The following SUSD5 variants were observed in gnomAD, a reference collection of about 807,000 sequenced individuals.
The protein encoded by SUSD5 is sushi domain containing 5, also known as sushi domain-containing protein 5.
A neutral mutation model predicts 29.5 loss-of-function variants in SUSD5; 33 were observed. The observed-to-expected ratio is 1.12, with a 90% CI of 0.85 to 1.49. SUSD5 has a LOEUF of 1.49. Among genes scored for constraint, SUSD5 ranks in the 40% most tolerant of loss-of-function variants. The probability of loss-of-function intolerance (pLI) is 0.00; values close to 1 mark genes in which losing one functional copy is unlikely to be tolerated. For synonymous variants in SUSD5, 308 were observed against 325.3 expected (o/e 0.95, Z 0.57); for missense variants, 776 against 800.6 (o/e 0.97, Z 0.37).
intron 2 of SUSD5, among the ~76,000 whole-genome samples, chr3:33,210,357 C>G (rs1258358893): frequency 6.6e-6 from 1 of 152,162 alleles, no homozygotes; most frequent in African/African-American, 2.4e-5. Flanking sequence ...CAACCCAAAG[C>G]AAAACGGCTC....
chr3:33,208,935 C>T (rs2032271895), intron 2 of SUSD5, among the ~76,000 whole-genome samples: 1 of 152,090 alleles, frequency 6.6e-6, no homozygotes, highest in South Asian at 2.1e-4. Flanking sequence ...TTTGCCTCTC[C>T]AGTCTTCTTC....
At chr3:33,187,769 C>T (rs145578333) in intron 3 of SUSD5, among the ~76,000 whole-genome samples, 6 of 151,524 alleles carry the variant, frequency 4.0e-5, no homozygotes, top group African/African-American at 9.7e-5. Flanking sequence ...CGTCATTTAA[C>T]GTTAGGTATA....
rs2030850957 is a variant in SUSD5, at chr3:33,150,651, C to T, written c.*2091G>A. On this transcript the variant is annotated 3_prime_UTR_variant, in exon 5 of 5. Transcript: ENST00000309558. ...GCACAGGTATTCTAGTTGGTACCTT[C>T]AGGCTTTATTTTACCCAACTATGGG... 6.6e-6 allele frequency: 1 copy of T among 152,200 alleles called. No homozygotes were observed. Among genetic ancestry groups the T allele is most frequent in the Non-Finnish European group, 1.5e-5 (1 of 68,036 alleles). 9.4% of individuals were successfully genotyped at this position (152,200 alleles called of 1,614,324 possible).
intron 4 of SUSD5, among the ~76,000 whole-genome samples, chr3:33,159,118 C>T (rs1559444177): frequency 6.6e-6 from 1 of 152,142 alleles, no homozygotes; most frequent in Non-Finnish European, 1.5e-5. Flanking sequence ...TGAAAGGGAA[C>T]AACATTTGCA....
chr3:33,163,342 GC>G (rs1305363363), intron 4 of SUSD5, among the ~76,000 whole-genome samples: 1 of 151,824 alleles, frequency 6.6e-6, no homozygotes, highest in Non-Finnish European at 1.5e-5. Flanking sequence ...GCTGGGTTAA[GC>G]TTTAATATAT....
At chr3:33,179,648 C>T (rs544859384) in intron 3 of SUSD5, among the ~76,000 whole-genome samples, 6 of 152,280 alleles carry the variant, frequency 3.9e-5, no homozygotes, top group East Asian at 3.9e-4. Flanking sequence ...CCAAGTTTTA[C>T]GGCTTGCTTT....
At chr3:33,213,205 G>C (rs1202969989) in intron 2 of SUSD5, among the ~76,000 whole-genome samples, 1 of 151,976 alleles carries the variant, frequency 6.6e-6, no homozygotes, top group Admixed American at 6.6e-5. Context: ...GTCAGAGTTC[G>C]AGACCAGCCT....
chr3:33,212,856 T>A (rs969950856), intron 2 of SUSD5, among the ~76,000 whole-genome samples: 1 of 152,148 alleles, frequency 6.6e-6, no homozygotes, highest in Non-Finnish European at 1.5e-5. Context: ...CTGTATTCTA[T>A]CAGTAGAGGC....
At position 33,187,654 on chromosome 3, in the gene SUSD5, C is replaced by CTT. The variant is rs56965213; in HGVS notation, c.410-12582_410-12581dup. ...AACATTTGGTAAGTGTACTAACAGT[C>CTT]TTTTTTTTTTTTTTATACTTTAAGT... is the stretch of plus-strand genomic sequence containing the variant. On this transcript the variant is annotated intron_variant, in intron 3 of 4. Coordinates refer to ENST00000309558, the MANE Select transcript of SUSD5 (RefSeq NM_015551.2). Among the ~76,000 whole-genome samples, 16 of 143,882 alleles carry CTT rather than the reference C, an allele frequency of 1.1e-4. No homozygotes were observed. In the East Asian group the frequency reaches 1.4e-3, roughly 13 times the overall value. The allele number at this position is 143,882 out of a possible 152,430, so 94.4% of individuals were successfully genotyped here. A position where few individuals can be genotyped will look rare whatever the true frequency, so the allele number is the denominator to read the frequency against.
chr3:33,158,587 C>G (rs567635357), intron 4 of SUSD5, among the ~76,000 whole-genome samples: 39 of 152,270 alleles, frequency 2.6e-4, no homozygotes, highest in African/African-American at 7.9e-4. Flanking sequence ...TCTGACCAGT[C>G]ATTTTTGCCC....
Position 33,213,958 on chromosome 3 carries a change from G to A in SUSD5, c.260C>T (p.Thr87Ile). 1 of 1,609,888 alleles carries A rather than the reference G, an allele frequency of 6.2e-7. No individual in the cohort carries two copies. The highest frequency in any genetic ancestry group is 1.3e-5 in the African/African-American group (1 of 74,920). The change falls in exon 2 of 5, where the codon ACC (threonine) becomes ATC (isoleucine). Residue 87 changes from threonine (T) to isoleucine (I), a missense_variant. Coordinates refer to ENST00000309558, the MANE Select transcript of SUSD5 (RefSeq NM_015551.2). The stretch of plus-strand genomic sequence containing the variant: ...AGTACCATCTGCTAGCCAGCCAGTG[G>A]TGCACACCGCAAAGGAGCAATCCTG... ...VVQDCSFAVC[T>I]TGWLADGTLG...
intron 1 of SUSD5, among the ~76,000 whole-genome samples, chr3:33,218,109 C>T (rs2125635738): frequency 6.6e-6 from 1 of 152,318 alleles, no homozygotes; most frequent in Middle Eastern, 3.4e-3. Flanking sequence ...CAAGACGTCC[C>T]CTCGCCTCCA....
At chr3:33,154,055 A>T (rs2125612767) in intron 4 of SUSD5, 22 bp from the exon 5 acceptor site, 1 of 1,544,438 alleles carries the variant, frequency 6.5e-7, no homozygotes, top group Non-Finnish European at 8.7e-7. Flanking sequence ...GAGGGAAAAA[A>T]CCTCATTAGC....
At chr3:33,170,647 T>C (rs2031404448) in intron 4 of SUSD5, among the ~76,000 whole-genome samples, 1 of 152,212 alleles carries the variant, frequency 6.6e-6, no homozygotes. Flanking sequence ...ACTAGGAAGC[T>C]ACCAGCTGCG....
chr3:33,186,227 G>C (rs577757574), intron 3 of SUSD5, among the ~76,000 whole-genome samples: 2 of 151,582 alleles, frequency 1.3e-5, no homozygotes, highest in African/African-American at 2.4e-5. Context: ...GCGTGAACCC[G>C]GGAGGTGGAG....
rs1189981813 is a variant in SUSD5 at position 33,152,613 on chromosome 3, T to C, written c.*129A>G. ...TGCTCCAGAGACACTTCTCAGCCTA[T>C]AAAACAAAGGGCTGAGGAAAAAATG... On this transcript the variant is annotated 3_prime_UTR_variant, in exon 5 of 5. Coordinates refer to ENST00000309558, the MANE Select transcript of SUSD5 (RefSeq NM_015551.2). 2.8e-6 allele frequency: 3 copies of C among 1,078,620 alleles called. No individual in the cohort carries two copies. Among genetic ancestry groups the C allele is most frequent in the East Asian group, 2.6e-5 (1 of 38,238 alleles). 66.8% of individuals were successfully genotyped at this position (1,078,620 alleles called of 1,614,324 possible).
In SUSD5 at chr3:33,204,578, C is replaced by T. The variant is rs2032178659; in HGVS notation, c.409+3230G>A. 6.6e-6 allele frequency among the ~76,000 whole-genome samples: 1 copy of T among 152,188 alleles called. No individual in the cohort carries two copies. The highest frequency in any genetic ancestry group is 1.9e-4 in the East Asian group (1 of 5,164). On this transcript the variant is annotated intron_variant, in intron 3 of 4. Coordinates refer to ENST00000309558, the MANE Select transcript of SUSD5 (RefSeq NM_015551.2). The surrounding 1 kb of genome is among the most constrained non-coding windows in gnomAD (Gnocchi z 4.5). ...CCTCGTGATACACCCACCTCGGCCT[C>T]CCAAAGTGCTGGGATTACAGGCTTG...
chr3:33,168,620 A>G (rs754546391), intron 4 of SUSD5: 6 of 979,222 alleles, frequency 6.1e-6, no homozygotes, highest in African/African-American at 3.5e-5. Context: ...CATGATGCAG[A>G]TATCAGGACA....
At chr3:33,157,823 G>A (rs907630341) in intron 4 of SUSD5, among the ~76,000 whole-genome samples, 9 of 152,252 alleles carry the variant, frequency 5.9e-5, no homozygotes, top group African/African-American at 2.2e-4. Flanking sequence ...GGCCACCGTA[G>A]ATTAGCCAGC....
Sources: allele counts gnomAD v4.1 joint callset (sites outside exome capture counted in the v4.1 genomes callset), GRCh38; gene constraint gnomAD v4.1.1; non-coding constraint Gnocchi (gnomAD v3.1); transcripts MANE v1.5; gene names NCBI Gene and HGNC (gene_info 2026-07-23, HGNC 2026-07-21).